The following PDE10A variants were observed in gnomAD, a reference collection of about 807,000 sequenced individuals.
PDE10A encodes cAMP and cAMP-inhibited cGMP 3',5'-cyclic phosphodiesterase 10A.
Under a neutral mutation model 97.7 loss-of-function variants are expected in PDE10A, and 39 were observed. The ratio of observed to expected loss-of-function variants is 0.40; its 90% CI spans 0.31 to 0.52. PDE10A has a LOEUF of 0.52. PDE10A is among the 20% of genes least tolerant of loss of function. The probability of loss-of-function intolerance (pLI) is 0.56; values close to 1 mark genes in which losing one functional copy is unlikely to be tolerated. For synonymous variants in PDE10A, 371 were observed against 376.8 expected (o/e 0.98, Z 0.18); for missense variants, 731 against 1,047.8 (o/e 0.70, Z 4.17).
intron 1 of PDE10A, among the ~76,000 whole-genome samples, chr6:165,829,228 G>T (rs921320189): frequency 7.9e-5 from 12 of 152,164 alleles, no homozygotes; most frequent in African/African-American, 2.9e-4. Context: ...CCCTGATATC[G>T]CTGCTCCCCC....
At chr6:165,428,308 A>C (rs554261611) in intron 10 of PDE10A, among the ~76,000 whole-genome samples, 11 of 152,270 alleles carry the variant, frequency 7.2e-5, no homozygotes, top group African/African-American at 2.2e-4. Context: ...AATAATTAAG[A>C]CTAGAACTAA....
intron 1 of PDE10A, among the ~76,000 whole-genome samples, chr6:165,558,552 G>C (rs973227434): frequency 5.3e-5 from 8 of 152,040 alleles, no homozygotes; most frequent in African/African-American, 1.9e-4. Flanking sequence ...TAAATAAGCT[G>C]TCATATTTTT....
chr6:165,628,671 C>T (rs1371774507), intron 1 of PDE10A, among the ~76,000 whole-genome samples: 2 of 152,064 alleles, frequency 1.3e-5, no homozygotes, highest in Non-Finnish European at 2.9e-5. Flanking sequence ...AAAAGAATAC[C>T]TGATATTAAC....
At chr6:165,517,612 C>T (rs1032156706) in intron 2 of PDE10A, among the ~76,000 whole-genome samples, 10 of 152,146 alleles carry the variant, frequency 6.6e-5, no homozygotes, top group African/African-American at 9.7e-5. Flanking sequence ...GACAGCAACT[C>T]GGATGAATCT....
chr6:165,870,989 C>T (rs1426090431), intron 1 of PDE10A, among the ~76,000 whole-genome samples: 1 of 152,144 alleles, frequency 6.6e-6, no homozygotes, highest in African/African-American at 2.4e-5. Context: ...GACTAATGGG[C>T]ACACACATGC....
intron 3 of PDE10A, among the ~76,000 whole-genome samples, chr6:165,478,691 C>T (rs991288479): frequency 1.3e-5 from 2 of 152,160 alleles, no homozygotes; most frequent in African/African-American, 4.8e-5. Flanking sequence ...AACCCTTTCC[C>T]TTTCCAGGTC....
At chr6:165,449,872 T>C (rs1205582950) in intron 4 of PDE10A, among the ~76,000 whole-genome samples, 1 of 152,190 alleles carries the variant, frequency 6.6e-6, no homozygotes, top group African/African-American at 2.4e-5. Flanking sequence ...TTAAATGGTA[T>C]ATAAAATTGT....
chr6:165,844,870 G>A (rs1165438126), intron 1 of PDE10A, among the ~76,000 whole-genome samples: 1 of 152,152 alleles, frequency 6.6e-6, no homozygotes, highest in Non-Finnish European at 1.5e-5. Context: ...ATAGGTCCCT[G>A]CCTGTCTGTG....
At chr6:165,717,124 A>T (rs1219263466) in intron 1 of PDE10A, among the ~76,000 whole-genome samples, 4 of 152,226 alleles carry the variant, frequency 2.6e-5, no homozygotes, top group African/African-American at 9.6e-5. Context: ...TATTTCACTT[A>T]GCACAATGTT....
intron 1 of PDE10A, among the ~76,000 whole-genome samples, chr6:165,823,590 A>G (rs1045155195): frequency 7.6e-6 from 1 of 132,406 alleles, no homozygotes; most frequent in Non-Finnish European, 1.7e-5. Context: ...TTCAATATAT[A>G]TAAATATGTA....
chr6:165,617,596 T>G (rs868660304), intron 1 of PDE10A, among the ~76,000 whole-genome samples: 2 of 152,114 alleles, frequency 1.3e-5, no homozygotes, highest in African/African-American at 4.8e-5. Context: ...GAGGTGCTTG[T>G]TGGAAAGACT....
chr6:165,498,827 A>ACAT (rs925822756), intron 2 of PDE10A, among the ~76,000 whole-genome samples: 1 of 152,220 alleles, frequency 6.6e-6, no homozygotes, highest in African/African-American at 2.4e-5. Context: ...TTATTAGAGT[A>ACAT]CATGATTGCT....
At chr6:165,395,470 T>C (rs1786090770) in intron 14 of PDE10A, among the ~76,000 whole-genome samples, 1 of 152,184 alleles carries the variant, frequency 6.6e-6, no homozygotes, top group Admixed American at 6.5e-5. Flanking sequence ...TCTAGTCCAA[T>C]ATTTGAGTTA....
chr6:165,416,888 A>C (rs1236751311), intron 11 of PDE10A, among the ~76,000 whole-genome samples: 1 of 152,230 alleles, frequency 6.6e-6, no homozygotes, highest in Non-Finnish European at 1.5e-5. Context: ...AAAATAATCA[A>C]AATACAAGGA....
chr6:165,878,277 C>T (rs547468116), intron 1 of PDE10A, among the ~76,000 whole-genome samples: 1 of 152,292 alleles, frequency 6.6e-6, no homozygotes, highest in Admixed American at 6.5e-5. Flanking sequence ...TTTCCCCCTG[C>T]TAAGTCACCT....
At chr6:165,799,357 T>A (rs1011968418) in intron 1 of PDE10A, among the ~76,000 whole-genome samples, 2 of 152,238 alleles carry the variant, frequency 1.3e-5, no homozygotes, top group South Asian at 2.1e-4. Flanking sequence ...TTACAATTTT[T>A]AAAATCAATT....
intron 2 of PDE10A, among the ~76,000 whole-genome samples, chr6:165,517,933 C>A (rs1781909975): frequency 6.6e-6 from 1 of 152,138 alleles, no homozygotes; most frequent in South Asian, 2.1e-4. Flanking sequence ...CGGTGCTAAT[C>A]CTTACATCAT....
intron 1 of PDE10A, among the ~76,000 whole-genome samples, chr6:165,809,023 A>G (rs1209779604): frequency 1.3e-5 from 2 of 152,222 alleles, no homozygotes; most frequent in Admixed American, 6.5e-5. Flanking sequence ...ACCCCTGTCT[A>G]TAGATGGTCC....
intron 1 of PDE10A, among the ~76,000 whole-genome samples, chr6:165,776,608 T>A (rs994148326): frequency 5.9e-5 from 9 of 152,214 alleles, no homozygotes; most frequent in Non-Finnish European, 7.3e-5. Flanking sequence ...CACAAAAGTT[T>A]CTCCGTATTA....
Sources: allele counts gnomAD v4.1 joint callset (sites outside exome capture counted in the v4.1 genomes callset), GRCh38; gene constraint gnomAD v4.1.1; transcripts MANE v1.5; gene names NCBI Gene and HGNC (gene_info 2026-07-23, HGNC 2026-07-21).